Variants in BICD2 observed in about 807,000 individuals in gnomAD.
The protein encoded by BICD2 is protein bicaudal D homolog 2.
A neutral mutation model predicts 72.9 loss-of-function variants in BICD2; 25 were observed. That is an observed-to-expected ratio of 0.34 (90% confidence interval 0.25 to 0.48). BICD2 has a LOEUF of 0.48. Among genes scored for constraint, BICD2 ranks in the 20% least tolerant of loss-of-function variants. The pLI is 0.99. For missense variants in BICD2, 894 were observed against 1,175.2 expected (o/e 0.76, Z 3.50); for synonymous variants, 501 against 516.1 (o/e 0.97, Z 0.40).
At chr9:92,718,461 G>A (rs905433545) in intron 5 of BICD2, 78 bp downstream of exon 5, 4 of 1,515,942 alleles carry the variant, frequency 2.6e-6, no homozygotes, top group South Asian at 1.3e-5. Context: ...CCCGTGGCAG[G>A]GGGAGGAAGG....
chr9:92,756,288 G>A (rs1421413519), intron 1 of BICD2, among the ~76,000 whole-genome samples: 1 of 151,166 alleles, frequency 6.6e-6, no homozygotes, highest in Non-Finnish European at 1.5e-5. Flanking sequence ...CTGAGACGGA[G>A]TCTCGCTCTG....
At chr9:92,717,520 C>T (rs74375121) in intron 6 of BICD2, among the ~76,000 whole-genome samples, 1 of 152,384 alleles carries the variant, frequency 6.6e-6, no homozygotes, top group East Asian at 1.9e-4. Context: ...TCGGAGGAAG[C>T]TGAGGTGCAG....
rs1853260373 is a variant in BICD2, at chr9:92,714,454, C to T, written c.*700G>A. 1.0e-6 allele frequency: 1 copy of T among 985,510 alleles called. No individual in the cohort carries two copies. Among genetic ancestry groups the T allele is most frequent in the Non-Finnish European group, 1.2e-6 (1 of 829,956 alleles). 61.0% of individuals were successfully genotyped at this position (985,510 alleles called of 1,614,324 possible). The stretch of plus-strand genomic sequence containing the variant: ...ATCTGTCACCTCACAGGCCACTATA[C>T]AAGCATCCTGATCTCAGAAATGAGA... On this transcript the variant is annotated 3_prime_UTR_variant, in exon 7 of 7. Transcript: ENST00000356884.
In BICD2 at chr9:92,720,529, A is replaced by G. The variant is rs1853441867; in HGVS notation, c.833T>C (p.Val278Ala). Residue 278 changes from valine to alanine, a missense_variant, in exon 4 of 7, where the codon GTC (valine) becomes GCC (alanine). Val to Ala is a moderately conservative substitution (Grantham distance 64). Around this residue, in one of 5 missense-constraint regions of BICD2, gnomAD observed 371 missense variants for 439.1 expected, o/e 0.84. Transcript: ENST00000356884. The surrounding 1 kb of genome is among the most constrained non-coding windows in gnomAD (Gnocchi z 5.4). ...NDSFYTSHLHVSLDGLKFSDD... is the reference protein window; with the variant it reads ...NDSFYTSHLHASLDGLKFSDD... ...ACTGAACTTGAGGCCATCCAGCGAG[A>G]CATGCAGGTGGCTGGTGTAGAAGGA... The G allele has an allele frequency of 1.9e-6, 3 of 1,614,170 alleles. No individual in the cohort carries two copies. Among genetic ancestry groups the G allele is most frequent in the Non-Finnish European group, 1.7e-6 (2 of 1,180,028 alleles).
chr9:92,764,598 C>A lies in BICD2; in HGVS notation c.147G>T (p.Ala49=). The change falls in exon 1 of 7, where the codon GCG becomes GCT. Residue 49 remains alanine, a synonymous_variant. Coordinates refer to ENST00000356884, the MANE Select transcript of BICD2 (RefSeq NM_001003800.2). This position sits in a 1 kb window ranked among gnomAD's most constrained non-coding sequence, Gnocchi z 5.5. ...EKIQAAEYGL[A]VLEEKHQLKL... is the part of the protein sequence containing the mutation. ...TGAGCTGGTGCTTCTCCTCGAGCAC[C>A]GCCAGCCCGTACTCGGCCGCCTGGA... The A allele has an allele frequency of 6.3e-7, 1 of 1,583,446 alleles. No individual in the cohort carries two copies. Among genetic ancestry groups the A allele is most frequent in the Non-Finnish European group, 8.6e-7 (1 of 1,166,054 alleles).
Position 92,727,538 on chromosome 9 carries a change from C to T in BICD2, c.453+1486G>A, listed in dbSNP as rs186950919. ...ATTCTCAACCGACCCATGCTCCACT[C>T]CTCCAGCCATTCCCAATGAGAACCT... On this transcript the variant is annotated intron_variant, in intron 2 of 6. Coordinates refer to ENST00000356884, the MANE Select transcript of BICD2 (RefSeq NM_001003800.2). Among the ~76,000 whole-genome samples, 6 of 152,356 alleles carry T rather than the reference C, an allele frequency of 3.9e-5. 1 individual carries two copies. Among genetic ancestry groups the T allele is most frequent in the African/African-American group, 1.4e-4 (6 of 41,580 alleles).
At chr9:92,727,010 C>T (rs1423264991) in intron 2 of BICD2, among the ~76,000 whole-genome samples, 1 of 152,178 alleles carries the variant, frequency 6.6e-6, no homozygotes, top group African/African-American at 2.4e-5. Context: ...AGACAGATGG[C>T]AGCTGGGGCA....
intron 1 of BICD2, among the ~76,000 whole-genome samples, chr9:92,748,275 T>C (rs1854057327): frequency 6.6e-6 from 1 of 152,134 alleles, no homozygotes; most frequent in South Asian, 2.1e-4. Flanking sequence ...TGGGGGGTTG[T>C]ACCCCTCTCC....
At chr9:92,732,726 A>G (rs1853701303) in intron 1 of BICD2, among the ~76,000 whole-genome samples, 1 of 152,246 alleles carries the variant, frequency 6.6e-6, no homozygotes, top group Admixed American at 6.5e-5. Context: ...GTTCACAAAT[A>G]GAGGTGAAAT....
intron 1 of BICD2, among the ~76,000 whole-genome samples, chr9:92,755,001 C>G (rs985581923): frequency 1.3e-5 from 2 of 152,140 alleles, no homozygotes; most frequent in African/African-American, 4.8e-5. Flanking sequence ...ACTGGTGAGC[C>G]GGGCAGAACA....
At chr9:92,742,401 T>C (rs916096242) in intron 1 of BICD2, among the ~76,000 whole-genome samples, 3 of 151,904 alleles carry the variant, frequency 2.0e-5, no homozygotes, top group Non-Finnish European at 2.9e-5. Flanking sequence ...TTCTTTTTTT[T>C]TGAGATGGAG....
chr9:92,737,763 T>C (rs1236733575), intron 1 of BICD2, among the ~76,000 whole-genome samples: 4 of 152,164 alleles, frequency 2.6e-5, no homozygotes, highest in African/African-American at 4.8e-5. Context: ...AAAGTAAAAC[T>C]ATACATATAG....
Position 92,711,825 on chromosome 9 carries a change from T to C in BICD2, c.*3329A>G, listed in dbSNP as rs2131492089. On this transcript the variant is annotated 3_prime_UTR_variant, in exon 7 of 7. Coordinates refer to ENST00000356884, the MANE Select transcript of BICD2 (RefSeq NM_001003800.2). ...TATTCCAGGAAACAGAATTCTTTTA[T>C]TTTTGTCATTTATATTATTATAATT... 6.6e-6 allele frequency: 1 copy of C among 152,610 alleles called. No homozygotes were observed. Among genetic ancestry groups the C allele is most frequent in the South Asian group, 2.1e-4 (1 of 4,826 alleles). 9.5% of individuals were successfully genotyped at this position (152,610 alleles called of 1,614,324 possible).
At chr9:92,753,597 G>A (rs1854193664) in intron 1 of BICD2, among the ~76,000 whole-genome samples, 1 of 151,834 alleles carries the variant, frequency 6.6e-6, no homozygotes, top group South Asian at 2.1e-4. Context: ...GGAGTGCAGT[G>A]GCGCAATCTC....
chr9:92,719,579 C>G lies in BICD2; in HGVS notation c.1066G>C (p.Glu356Gln). The G allele has an allele frequency of 6.2e-7, 1 of 1,600,090 alleles. No homozygotes were observed. Among genetic ancestry groups the G allele is most frequent in the East Asian group, 2.2e-5 (1 of 44,674 alleles). The change falls in exon 5 of 7, where the codon GAG (glutamate) becomes CAG (glutamine). Residue 356 changes from glutamate to glutamine, a missense_variant. Coordinates refer to ENST00000356884, the MANE Select transcript of BICD2 (RefSeq NM_001003800.2). ...GCCAGCAGGCCCGCCTTTTCCCGCT[C>G]CATCTGCAAAGGCACAGGCAGCAGG... Reference protein sequence around the residue: ...QKLKQQLMQMEREKAGLLATL... With the variant: ...QKLKQQLMQMQREKAGLLATL...
rs1430268552 is a variant in BICD2 at position 92,713,440 on chromosome 9, C to A, written c.*1714G>T. On this transcript the variant is annotated 3_prime_UTR_variant, in exon 7 of 7. Transcript: ENST00000356884. ...GTGTGACAGGGCCGGGTGGCCAAGT[C>A]CTCCTGGCAGCTACTCTACAGCTGA... 13 of 1,589,110 alleles carry A rather than the reference C, an allele frequency of 8.2e-6. No individual in the cohort carries two copies. The highest frequency in any genetic ancestry group is 1.1e-5 in the Non-Finnish European group (13 of 1,166,786).
chr9:92,740,299 A>C (rs1853874591), intron 1 of BICD2, among the ~76,000 whole-genome samples: 1 of 152,222 alleles, frequency 6.6e-6, no homozygotes, highest in African/African-American at 2.4e-5. Context: ...GGAACAAAGT[A>C]AAAGACAGTA....
Position 92,720,789 on chromosome 9 carries a change from C to CA in BICD2, c.607-35dup, listed in dbSNP as rs1485756996. The CA allele has an allele frequency of 6.3e-7, 1 of 1,595,466 alleles. No individual in the cohort carries two copies. Among genetic ancestry groups the CA allele is most frequent in the African/African-American group, 1.3e-5 (1 of 74,204 alleles). On this transcript the variant is annotated intron_variant, in intron 3 of 6. Transcript: ENST00000356884. This position sits in a 1 kb window ranked among gnomAD's most constrained non-coding sequence, Gnocchi z 5.4. ...AGAAGTCAACGCTCTTGCATCAATGCAATGTGGAAGCTCCTTTCAGGCCCC... is the reference window on the plus strand; with the variant it reads ...AGAAGTCAACGCTCTTGCATCAATGCAAATGTGGAAGCTCCTTTCAGGCCCC...
chr9:92,719,833 C>T (rs1480422038), intron 4 of BICD2, among the ~76,000 whole-genome samples: 1 of 152,242 alleles, frequency 6.6e-6, no homozygotes, highest in Non-Finnish European at 1.5e-5. Flanking sequence ...GCTCTTTCCC[C>T]AACCATGCTA....
Sources: allele counts gnomAD v4.1 joint callset (sites outside exome capture counted in the v4.1 genomes callset), GRCh38; gene constraint gnomAD v4.1.1; regional missense constraint gnomAD v4.1.1; non-coding constraint Gnocchi (gnomAD v3.1); transcripts MANE v1.5; gene names NCBI Gene and HGNC (gene_info 2026-07-23, HGNC 2026-07-21).